The following TAF4 variants were observed in gnomAD, a reference collection of about 807,000 sequenced individuals.
TAF4 encodes transcription initiation factor TFIID subunit 4.
In TAF4, 9 loss-of-function variants were observed where a neutral mutation model predicts 90.3. The observed-to-expected ratio is 0.10, with a 90% confidence interval of 0.06 to 0.17. The LOEUF is 0.17. TAF4 is among the 10% of genes least tolerant of loss of function. TAF4 has a pLI of 1.00. For synonymous variants in TAF4, 818 were observed against 638.9 expected (o/e 1.28, Z -4.23); for missense variants, 1,351 against 1,370.7 (o/e 0.99, Z 0.23).
chr20:62,056,644 G>A (rs781274879), intron 1 of TAF4, among the ~76,000 whole-genome samples: 7 of 152,046 alleles, frequency 4.6e-5, no homozygotes, highest in Non-Finnish European at 8.8e-5. Flanking sequence ...ACAGACTTGG[G>A]TCACAGGAGA....
chr20:62,022,870 C>A (rs1245555854), intron 1 of TAF4, among the ~76,000 whole-genome samples: 1 of 149,624 alleles, frequency 6.7e-6, no homozygotes, highest in Non-Finnish European at 1.5e-5. Context: ...AGCCCCCCCC[C>A]CGCACATTGC....
chr20:62,063,273 G>A (rs995983595), intron 1 of TAF4, among the ~76,000 whole-genome samples: 1 of 152,216 alleles, frequency 6.6e-6, no homozygotes, highest in Non-Finnish European at 1.5e-5. Flanking sequence ...CACTTCTGAA[G>A]ATTCTGCAAC....
At chr20:62,038,892 A>C (rs1467931235) in intron 1 of TAF4, among the ~76,000 whole-genome samples, 1 of 152,130 alleles carries the variant, frequency 6.6e-6, no homozygotes, top group Non-Finnish European at 1.5e-5. Flanking sequence ...ATCTCTACTA[A>C]AAATACAAAA....
chr20:62,003,921 G>C (rs897313386), intron 7 of TAF4, 43 bp from the exon 8 acceptor site: 32 of 1,507,152 alleles, frequency 2.1e-5, no homozygotes, highest in Non-Finnish European at 2.8e-5. Flanking sequence ...GCTCCCCGAG[G>C]GCCAGGGGCC....
At position 62,003,197 on chromosome 20, in the gene TAF4, T is replaced by C. The variant is rs1479972126; in HGVS notation, c.2449A>G (p.Lys817Glu). The C allele has an allele frequency of 1.2e-6, 2 of 1,614,210 alleles. No homozygotes were observed. Among genetic ancestry groups the C allele is most frequent in the Non-Finnish European group, 1.7e-6 (2 of 1,180,036 alleles). ...CCCCCAGGCTCCTTGAGTTTATTTTTCTGTGCAGCAGCTGCTTGTGCCGAG... is the reference window on the plus strand; with the variant it reads ...CCCCCAGGCTCCTTGAGTTTATTTTCCTGTGCAGCAGCTGCTTGTGCCGAG... ...AVSAQAAAAQ[K>E]NKLKEPGGGS... The change falls in exon 9 of 15, where the codon AAA becomes GAA. Residue 817 changes from lysine (K) to glutamate (E), a missense_variant. By Grantham distance (56) the Lys-to-Glu change is moderately conservative (BLOSUM62 1). Around this residue, in one of 9 missense-constraint regions of TAF4, gnomAD observed 202 missense variants for 229.7 expected, o/e 0.88. Coordinates refer to ENST00000252996, the MANE Select transcript of TAF4 (RefSeq NM_003185.4).
chr20:62,012,635 C>A, intron 3 of TAF4, 180 bp downstream of exon 3: 6 of 792,340 alleles, frequency 7.6e-6, no homozygotes, highest in Non-Finnish European at 1.1e-5. Flanking sequence ...GAAATCCTGA[C>A]TTATCCCATG....
intron 1 of TAF4, among the ~76,000 whole-genome samples, chr20:62,033,172 GCAGGGCGGGGT>G (rs2055913796): frequency 6.6e-6 from 1 of 152,178 alleles, no homozygotes; most frequent in African/African-American, 2.4e-5. Flanking sequence ...TCAGCTCTCA[GCAGGGCGGGGT>G]CAGGCAGGGT....
chr20:62,031,399 G>A (rs2055903643), intron 1 of TAF4, among the ~76,000 whole-genome samples: 1 of 152,180 alleles, frequency 6.6e-6, no homozygotes, highest in Admixed American at 6.5e-5. Flanking sequence ...CTAAACCTCA[G>A]GATAAAGCAT....
At chr20:62,023,680 G>A (rs775285014) in intron 1 of TAF4, among the ~76,000 whole-genome samples, 27 of 149,070 alleles carry the variant, frequency 1.8e-4, no homozygotes, top group Non-Finnish European at 3.6e-4. Flanking sequence ...GCCGGGAGGT[G>A]GAGGTTGCAG....
chr20:61,988,805 G>A (rs770319039), intron 14 of TAF4, among the ~76,000 whole-genome samples: 3 of 152,090 alleles, frequency 2.0e-5, no homozygotes, highest in Admixed American at 1.3e-4. Flanking sequence ...CGGCGTTCTC[G>A]ATACTCCACG....
intron 1 of TAF4, among the ~76,000 whole-genome samples, chr20:62,059,327 T>A (rs1280133715): frequency 2.0e-5 from 3 of 152,224 alleles, no homozygotes; most frequent in Non-Finnish European, 4.4e-5. Flanking sequence ...AAGCTGTACA[T>A]CTTTGGTGCA....
At chr20:62,016,143 C>T (rs557648663) in intron 1 of TAF4, among the ~76,000 whole-genome samples, 2 of 152,312 alleles carry the variant, frequency 1.3e-5, no homozygotes, top group South Asian at 4.1e-4. Context: ...GCCATGTGGC[C>T]GCCAGAGCTG....
At chr20:62,014,406 C>A (rs552199143) in intron 2 of TAF4, 141 bp downstream of exon 2, 3 of 1,129,820 alleles carry the variant, frequency 2.7e-6, no homozygotes, top group South Asian at 3.8e-5. Context: ...CTAGATGGGA[C>A]GGATGGGACT....
intron 14 of TAF4, among the ~76,000 whole-genome samples, chr20:61,977,131 C>A (rs1223525631): frequency 6.7e-6 from 1 of 148,546 alleles, no homozygotes; most frequent in African/African-American, 2.5e-5. Flanking sequence ...CACCGCCCAG[C>A]GGGGCACGCG....
chr20:62,054,584 G>T (rs1285135241), intron 1 of TAF4, among the ~76,000 whole-genome samples: 1 of 152,040 alleles, frequency 6.6e-6, no homozygotes, highest in South Asian at 2.1e-4. Context: ...CTTTGCTCTG[G>T]GCCACCCTTC....
Position 62,012,878 on chromosome 20 carries a change from T to C in TAF4, c.1578A>G (p.Gln526=). The change falls in exon 3 of 15, where the codon CAA becomes CAG. Residue 526 remains glutamine, a synonymous_variant. Coordinates refer to ENST00000252996, the MANE Select transcript of TAF4 (RefSeq NM_003185.4). ...RQVTPTTIIK[Q]VSQAQTTVQP... is the part of the protein sequence containing the mutation. ...GCACCGTTGTCTGGGCCTGAGACAC[T>C]TGCTTAATTATGGTAGTTGGGGTCA... 1.2e-6 allele frequency: 2 copies of C among 1,614,180 alleles called. No homozygotes were observed. Among genetic ancestry groups the C allele is most frequent in the Non-Finnish European group, 1.7e-6 (2 of 1,180,028 alleles).
rs1456553719 is a variant in TAF4, at chr20:62,064,610, G to A, written c.1201C>T (p.Pro401Ser). Residue 401 changes from proline (P) to serine (S), a missense_variant, in exon 1 of 15, where the codon CCC (proline) becomes TCC (serine). This residue lies in a region of TAF4 where 782 missense variants were observed against 536.6 expected (regional missense o/e 1.46). Transcript: ENST00000252996. ...GTCACTGCGCCGGCCGCGCCTTTGG[G>A]CAGCCCGGTGGGGGTCCCGGGGGCG... The part of the protein sequence containing the change: ...PPAPGTPTGL[P>S]KGAAGAVTQS... The A allele has an allele frequency of 2.1e-6, 3 of 1,434,616 alleles. No individual in the cohort carries two copies. Among genetic ancestry groups the A allele is most frequent in the South Asian group, 1.4e-5 (1 of 71,912 alleles). 88.9% of individuals were successfully genotyped at this position (1,434,616 alleles called of 1,614,324 possible). A position where few individuals can be genotyped will look rare whatever the true frequency, so the allele number is the denominator to read the frequency against.
intron 12 of TAF4, 121 bp downstream of exon 12, chr20:61,998,862 T>TGCTTCAA (rs1011524924): frequency 1.5e-6 from 2 of 1,326,932 alleles, no homozygotes; most frequent in African/African-American, 2.9e-5. Flanking sequence ...CCATCACCTT[T>TGCTTCAA]GCTTCAAGGC....
At chr20:62,041,648 A>G (rs1378891067) in intron 1 of TAF4, among the ~76,000 whole-genome samples, 1 of 151,848 alleles carries the variant, frequency 6.6e-6, no homozygotes, top group Non-Finnish European at 1.5e-5. Context: ...AGAAAAAAGA[A>G]AAGTATGGCA....
Sources: allele counts gnomAD v4.1 joint callset (sites outside exome capture counted in the v4.1 genomes callset), GRCh38; gene constraint gnomAD v4.1.1; regional missense constraint gnomAD v4.1.1; transcripts MANE v1.5; gene names NCBI Gene and HGNC (gene_info 2026-07-23, HGNC 2026-07-21).